The following NRXN1 variants were observed in gnomAD, a reference collection of about 807,000 sequenced individuals.
The protein encoded by NRXN1 is neurexin-1.
NRXN1 carries 39 observed loss-of-function variants against 150.9 expected under a neutral mutation model. The observed-to-expected ratio is 0.26, with a 90% confidence interval of 0.20 to 0.34. The LOEUF is 0.34. Ranked by LOEUF, NRXN1 falls within the 10% of genes least tolerant of loss-of-function variation. NRXN1 has a pLI of 1.00. For synonymous variants in NRXN1, 924 were observed against 757.0 expected (o/e 1.22, Z -3.62); for missense variants, 1,815 against 1,949.9 (o/e 0.93, Z 1.30).
At chr2:50,637,846 T>A (rs1683461204) in intron 5 of NRXN1, among the ~76,000 whole-genome samples, 1 of 151,810 alleles carries the variant, frequency 6.6e-6, no homozygotes, top group Non-Finnish European at 1.5e-5. Context: ...CCTGGTATGG[T>A]CCACAAGTTA....
At chr2:50,016,916 A>T (rs1442847376) in intron 21 of NRXN1, among the ~76,000 whole-genome samples, 1 of 152,158 alleles carries the variant, frequency 6.6e-6, no homozygotes, top group Non-Finnish European at 1.5e-5. Context: ...CAGACTTAAT[A>T]ACTGGTAGAA....
At chr2:50,870,212 T>C (rs998813742) in intron 5 of NRXN1, among the ~76,000 whole-genome samples, 9 of 151,948 alleles carry the variant, frequency 5.9e-5, no homozygotes, top group Admixed American at 4.6e-4. Flanking sequence ...AATTTCCTAG[T>C]ATAATTATTA....
chr2:50,274,232 T>A (rs972923390), intron 17 of NRXN1, among the ~76,000 whole-genome samples: 1 of 152,162 alleles, frequency 6.6e-6, no homozygotes, highest in Admixed American at 6.5e-5. Flanking sequence ...CACAGGGACA[T>A]GGATGAAGCT....
chr2:50,155,042 C>T lies in NRXN1; in HGVS notation c.3547-63548G>A, dbSNP rs570525037. Among the ~76,000 whole-genome samples the T allele has an allele frequency of 9.9e-5, 15 of 151,588 alleles. No homozygotes were observed. In the South Asian group the frequency reaches 3.1e-3, roughly 31 times the overall value. Reference sequence around the variant, plus strand: ...ATTTCATCAAAGCTGTAAAATAACTCTAATTACCAAAATTATATCTATTTT... The same window carrying T: ...ATTTCATCAAAGCTGTAAAATAACTTTAATTACCAAAATTATATCTATTTT... On this transcript the variant is annotated intron_variant, in intron 18 of 22. Transcript: ENST00000401669.
intron 18 of NRXN1, among the ~76,000 whole-genome samples, chr2:50,137,953 T>C (rs1041978117): frequency 6.6e-6 from 1 of 152,218 alleles, no homozygotes; most frequent in African/African-American, 2.4e-5. Context: ...GACATTTTAC[T>C]TTGCCAGTTA....
chr2:50,717,331 A>G (rs1000186973), intron 5 of NRXN1, among the ~76,000 whole-genome samples: 2 of 152,156 alleles, frequency 1.3e-5, no homozygotes, highest in South Asian at 2.1e-4. Context: ...ATCACACTAC[A>G]TGTACTTCCT....
At chr2:50,536,887 A>T (rs2093273529) in intron 10 of NRXN1, among the ~76,000 whole-genome samples, 1 of 152,198 alleles carries the variant, frequency 6.6e-6, no homozygotes. Context: ...CAATTCACAG[A>T]AATGCCGGTT....
intron 5 of NRXN1, among the ~76,000 whole-genome samples, chr2:50,881,850 A>C (rs960391233): frequency 7.3e-5 from 11 of 151,686 alleles, no homozygotes; most frequent in Non-Finnish European, 5.9e-5. Flanking sequence ...TGAATTTACT[A>C]CTCCTGTCCC....
intron 5 of NRXN1, among the ~76,000 whole-genome samples, chr2:50,799,740 G>A (rs1216474548): frequency 6.6e-6 from 1 of 152,104 alleles, no homozygotes; most frequent in Non-Finnish European, 1.5e-5. Flanking sequence ...TCTAGGCCAA[G>A]CTATGATGTT....
At chr2:50,567,944 T>G (rs1486389709) in intron 8 of NRXN1, among the ~76,000 whole-genome samples, 1 of 152,124 alleles carries the variant, frequency 6.6e-6, no homozygotes, top group Non-Finnish European at 1.5e-5. Context: ...TAATATTCAT[T>G]AAAATACAAT....
At chr2:50,640,528 A>C (rs1308916172) in intron 5 of NRXN1, among the ~76,000 whole-genome samples, 1 of 152,188 alleles carries the variant, frequency 6.6e-6, no homozygotes, top group Non-Finnish European at 1.5e-5. Flanking sequence ...TAGATGTTAC[A>C]TTATCAGACT....
chr2:50,443,421 A>T (rs1185936920), intron 17 of NRXN1, among the ~76,000 whole-genome samples: 1 of 152,146 alleles, frequency 6.6e-6, no homozygotes, highest in East Asian at 1.9e-4. Context: ...GAAATGGGTC[A>T]TTTGTGAGTT....
chr2:50,706,051 C>T (rs2105001805), intron 5 of NRXN1, among the ~76,000 whole-genome samples: 2 of 152,228 alleles, frequency 1.3e-5, no homozygotes, highest in Non-Finnish European at 2.9e-5. Flanking sequence ...TGCCATGGAT[C>T]CCCGTCAAGC....
chr2:50,347,218 G>T lies in NRXN1; in HGVS notation c.3365-110248C>A. 1 of 1,338,230 alleles carries T rather than the reference G, an allele frequency of 7.5e-7. No individual in the cohort carries two copies. The highest frequency in any genetic ancestry group is 9.8e-7 in the Non-Finnish European group (1 of 1,021,838). 82.9% of individuals were successfully genotyped at this position (1,338,230 alleles called of 1,614,324 possible). ...GGAAAGGCAGCCCCGGGAACAGCAAGCGCGGAGCGGGTGGCTGCTCCCAGA... is the reference window on the plus strand; with the variant it reads ...GGAAAGGCAGCCCCGGGAACAGCAATCGCGGAGCGGGTGGCTGCTCCCAGA... On this transcript the variant is annotated intron_variant, in intron 17 of 22. Transcript: ENST00000401669. This position sits in a 1 kb window ranked among gnomAD's most constrained non-coding sequence, Gnocchi z 4.9.
intron 17 of NRXN1, among the ~76,000 whole-genome samples, chr2:50,353,809 T>C (rs1227890002): frequency 6.6e-6 from 1 of 152,168 alleles, no homozygotes; most frequent in African/African-American, 2.4e-5. Flanking sequence ...CCATAGCCTC[T>C]GTTTCTCTAA....
chr2:50,535,563 T>C (rs2093234622), intron 10 of NRXN1, among the ~76,000 whole-genome samples: 1 of 152,210 alleles, frequency 6.6e-6, no homozygotes, highest in African/African-American at 2.4e-5. Flanking sequence ...TATTCTTACA[T>C]ATAACAGAAT....
At chr2:51,030,176 A>G (rs1298047331) in intron 1 of NRXN1, among the ~76,000 whole-genome samples, 1 of 152,156 alleles carries the variant, frequency 6.6e-6, no homozygotes, top group Non-Finnish European at 1.5e-5. Flanking sequence ...TTACAAATGT[A>G]TAATCTGTTC....
At chr2:50,367,099 C>T (rs1422560322) in intron 17 of NRXN1, among the ~76,000 whole-genome samples, 1 of 151,836 alleles carries the variant, frequency 6.6e-6, no homozygotes, top group African/African-American at 2.4e-5. Flanking sequence ...TTGGGTTTCT[C>T]CAGATGCATT....
chr2:50,053,123 G>C (rs1325850092), intron 21 of NRXN1, 148 bp downstream of exon 21: 14 of 741,418 alleles, frequency 1.9e-5, no homozygotes, highest in Non-Finnish European at 3.3e-5. Context: ...TATTCAAACG[G>C]AATGCATTAT....
Sources: gnomAD v4.1 joint callset for allele counts (sites outside exome capture counted in the v4.1 genomes callset) on GRCh38, gnomAD v4.1.1 for gene constraint, Gnocchi (gnomAD v3.1) non-coding constraint, MANE v1.5 for transcripts, NCBI Gene and HGNC (gene_info 2026-07-23, HGNC 2026-07-21) for gene names.